Variants in BIN1 observed in about 807,000 individuals in gnomAD.
BIN1 encodes myc box-dependent-interacting protein 1.
A neutral mutation model predicts 82.0 loss-of-function variants in BIN1; 53 were observed. The ratio of observed to expected loss-of-function variants is 0.65; its 90% CI spans 0.52 to 0.81. The LOEUF (loss-of-function observed/expected upper bound fraction) is 0.81, where lower values mean the gene tolerates loss of function less well. Among genes scored for constraint, BIN1 ranks in the 40% least tolerant of loss-of-function variants. The pLI is 0.00. For synonymous variants in BIN1, 302 were observed against 328.0 expected (o/e 0.92, Z 0.86); for missense variants, 642 against 784.4 (o/e 0.82, Z 2.17).
At chr2:127,092,761 G>A (rs1679096597) in intron 1 of BIN1, among the ~76,000 whole-genome samples, 2 of 152,286 alleles carry the variant, frequency 1.3e-5, no homozygotes, top group South Asian at 4.1e-4. Flanking sequence ...AGCTCCCGGG[G>A]AAGGGCCAAC....
At chr2:127,070,164 G>A (rs1054959296) in intron 4 of BIN1, 74 bp from the exon 5 acceptor site, 1 of 1,262,068 alleles carries the variant, frequency 7.9e-7, no homozygotes, top group Non-Finnish European at 1.1e-6. Flanking sequence ...ACCTCGCAGG[G>A]ACCAGCCCCA....
intron 1 of BIN1, among the ~76,000 whole-genome samples, chr2:127,078,251 T>C (rs17014903): frequency 0.16 from 24,198 of 152,188 alleles, 2,022 homozygotes; most frequent in South Asian, 0.25. Flanking sequence ...CACCAAGCAC[T>C]TGCTCTGTGC....
Position 127,076,720 on chromosome 2 carries a change from G to T in BIN1, c.85-14C>A. On this transcript the variant is annotated splice_polypyrimidine_tract_variant and intron_variant, in intron 1 of 18. Coordinates refer to ENST00000316724, the MANE Select transcript of BIN1 (RefSeq NM_139343.3). ...CTTCTGGAGAACCTGCCGAAGCCAAGAGAGAAGGGGAGAGTGTTACCTTGG... is the reference window on the plus strand; with the variant it reads ...CTTCTGGAGAACCTGCCGAAGCCAATAGAGAAGGGGAGAGTGTTACCTTGG... The T allele has an allele frequency of 6.2e-7, 1 of 1,613,958 alleles. No homozygotes were observed. Among genetic ancestry groups the T allele is most frequent in the Non-Finnish European group, 8.5e-7 (1 of 1,179,920 alleles).
chr2:127,051,864 T>C (rs547984565), intron 15 of BIN1, among the ~76,000 whole-genome samples: 1 of 152,370 alleles, frequency 6.6e-6, no homozygotes, highest in South Asian at 2.1e-4. Context: ...TTCTGAGTGC[T>C]GGAACCAAGT....
chr2:127,105,972 T>A (rs1236024614), intron 1 of BIN1, among the ~76,000 whole-genome samples: 4 of 152,248 alleles, frequency 2.6e-5, no homozygotes, highest in Admixed American at 6.5e-5. Context: ...GATAGACAAC[T>A]GACCGGGTGC....
rs772434419 is a variant in BIN1 at position 127,051,206 on chromosome 2, G to A, written c.1409C>T (p.Pro470Leu). 1 of 1,613,714 alleles carries A rather than the reference G, an allele frequency of 6.2e-7. No homozygotes were observed. The highest frequency in any genetic ancestry group is 8.5e-7 in the Non-Finnish European group (1 of 1,179,964). The change falls in exon 16 of 19, where the codon CCT becomes CTT. Residue 470 changes from proline to leucine, a missense_variant. Pro to Leu is a moderately conservative substitution (Grantham distance 98). Coordinates refer to ENST00000316724, the MANE Select transcript of BIN1 (RefSeq NM_139343.3). ...CCCTGGCTCCTGGGCTCCAGCCGCA[G>A]GTTGGGTCCCACCCGCCACCTCCGA... The part of the protein sequence containing the change: ...EASEVAGGTQ[P>L]AAGAQEPGET...
Position 127,048,185 on chromosome 2 carries a change from C to T in BIN1, c.*341G>A, listed in dbSNP as rs1573514581. 5 of 370,622 alleles carry T rather than the reference C, an allele frequency of 1.3e-5. No individual in the cohort carries two copies. Among genetic ancestry groups the T allele is most frequent in the Non-Finnish European group, 2.6e-5 (5 of 195,234 alleles). 23.0% of individuals were successfully genotyped at this position (370,622 alleles called of 1,614,324 possible). Reference sequence around the variant, plus strand: ...CTGCCAGGAAAAGAGGACCCTTGCCCGGGTGGCGCGGCCGAAGCTTCAGGC... The same window carrying T: ...CTGCCAGGAAAAGAGGACCCTTGCCTGGGTGGCGCGGCCGAAGCTTCAGGC... On this transcript the variant is annotated 3_prime_UTR_variant, in exon 19 of 19. Coordinates refer to ENST00000316724, the MANE Select transcript of BIN1 (RefSeq NM_139343.3).
intron 11 of BIN1, among the ~76,000 whole-genome samples, chr2:127,058,067 TGCC>T (rs2104942026): frequency 6.6e-6 from 1 of 152,184 alleles, no homozygotes; most frequent in Non-Finnish European, 1.5e-5. Flanking sequence ...GGCACAGGGC[TGCC>T]CACAGGGAGC....
chr2:127,097,148 C>G (rs1024435763), intron 1 of BIN1, among the ~76,000 whole-genome samples: 1 of 152,206 alleles, frequency 6.6e-6, no homozygotes, highest in African/African-American at 2.4e-5. Context: ...TAGCTCTGAC[C>G]CAGCTCTGCA....
At position 127,093,060 on chromosome 2, in the gene BIN1, G is replaced by A. The variant is rs749241725; in HGVS notation, c.84+13800C>T. 6.6e-6 allele frequency among the ~76,000 whole-genome samples: 1 copy of A among 152,138 alleles called. No homozygotes were observed. The highest frequency in any genetic ancestry group is 1.5e-5 in the Non-Finnish European group (1 of 68,012). On this transcript the variant is annotated intron_variant, in intron 1 of 18. Transcript: ENST00000316724. The surrounding 1 kb of genome is among the most constrained non-coding windows in gnomAD (Gnocchi z 5.7). ...CTGGGGGCCCCCCCACAGATGCCAG[G>A]TCAGCCCCCAGCCACCCCCACGCTA... is the stretch of plus-strand genomic sequence containing the variant.
chr2:127,048,391 T>G lies in BIN1; in HGVS notation c.*135A>C. 1.2e-6 allele frequency: 1 copy of G among 834,906 alleles called. No individual in the cohort carries two copies. The highest frequency in any genetic ancestry group is 1.9e-6 in the Non-Finnish European group (1 of 520,290). 51.7% of individuals were successfully genotyped at this position (834,906 alleles called of 1,614,324 possible). A position where few individuals can be genotyped will look rare whatever the true frequency, so the allele number is the denominator to read the frequency against. On this transcript the variant is annotated 3_prime_UTR_variant, in exon 19 of 19. Transcript: ENST00000316724. ...GACCTAATCTTTGGGAGAACGCCCC[T>G]CTGCCTGGGGGTCTCCTCTTGATTT...
At chr2:127,088,862 G>A (rs1186528316) in intron 1 of BIN1, among the ~76,000 whole-genome samples, 1 of 152,128 alleles carries the variant, frequency 6.6e-6, no homozygotes, top group Non-Finnish European at 1.5e-5. Context: ...CAAGACACCA[G>A]GCCAGGAAGG....
chr2:127,071,707 G>A (rs1394407380), intron 2 of BIN1, among the ~76,000 whole-genome samples: 1 of 152,234 alleles, frequency 6.6e-6, no homozygotes, highest in African/African-American at 2.4e-5. Context: ...CAGAAGCCAC[G>A]TGCAAAGAGT....
chr2:127,079,351 A>G (rs13394666), intron 1 of BIN1, among the ~76,000 whole-genome samples: 27,594 of 152,248 alleles, frequency 0.18, 2,685 homozygotes, highest in South Asian at 0.26. Flanking sequence ...TATAAAGTGC[A>G]GAGCAGTACC....
At chr2:127,096,456 C>G (rs976158249) in intron 1 of BIN1, among the ~76,000 whole-genome samples, 4 of 152,200 alleles carry the variant, frequency 2.6e-5, no homozygotes, top group African/African-American at 9.6e-5. Context: ...CCTCACACAT[C>G]CTCCCAGACC....
intron 10 of BIN1, chr2:127,060,782 C>A: frequency 8.8e-7 from 1 of 1,132,958 alleles, no homozygotes; most frequent in South Asian, 1.3e-5. Context: ...AGAGGCCTTG[C>A]ACAGGGCCTG....
chr2:127,074,240 C>T (rs935498091), intron 2 of BIN1, among the ~76,000 whole-genome samples: 3 of 152,234 alleles, frequency 2.0e-5, no homozygotes, highest in Admixed American at 6.5e-5. Flanking sequence ...TGAATTCACT[C>T]CCCCAACAAC....
chr2:127,094,856 C>T (rs1161393758), intron 1 of BIN1, among the ~76,000 whole-genome samples: 1 of 152,194 alleles, frequency 6.6e-6, no homozygotes, highest in Non-Finnish European at 1.5e-5. Context: ...GCCCACCAGC[C>T]CCCGGGTGGT....
At chr2:127,101,000 G>GGGGGC (rs1553487401) in intron 1 of BIN1, among the ~76,000 whole-genome samples, 9 of 107,566 alleles carry the variant, frequency 8.4e-5, no homozygotes, top group East Asian at 2.2e-4. Context: ...AGGAATGTGC[G>GGGGGC]GGGGGTGGGG....
Sources: gnomAD v4.1 joint callset for allele counts (sites outside exome capture counted in the v4.1 genomes callset) on GRCh38, gnomAD v4.1.1 for gene constraint, Gnocchi (gnomAD v3.1) non-coding constraint, MANE v1.5 for transcripts, NCBI Gene and HGNC (gene_info 2026-07-23, HGNC 2026-07-21) for gene names.